The following PLCH2 variants were observed in gnomAD, a reference collection of about 807,000 sequenced individuals.
The protein encoded by PLCH2 is 1-phosphatidylinositol 4,5-bisphosphate phosphodiesterase eta-2.
A neutral mutation model predicts 134.7 loss-of-function variants in PLCH2; 98 were observed. The observed-to-expected ratio is 0.73, with a 90% confidence interval of 0.62 to 0.86. PLCH2 has a LOEUF of 0.86. Ranked by LOEUF, PLCH2 falls within the 40% of genes least tolerant of loss-of-function variation. PLCH2 has a pLI of 0.00. For synonymous variants in PLCH2, 974 were observed against 827.5 expected (o/e 1.18, Z -3.04); for missense variants, 1,994 against 1,986.6 (o/e 1.00, Z -0.07).
At chr1:2,452,926 C>T (rs1374355255) in intron 2 of PLCH2, among the ~76,000 whole-genome samples, 1 of 152,200 alleles carries the variant, frequency 6.6e-6, no homozygotes, top group Non-Finnish European at 1.5e-5. Flanking sequence ...GGCACCTGGT[C>T]CTGGCTTCTC....
At chr1:2,428,660 G>A (rs976919996) in intron 1 of PLCH2, among the ~76,000 whole-genome samples, 2 of 152,244 alleles carry the variant, frequency 1.3e-5, no homozygotes, top group African/African-American at 2.4e-5. Flanking sequence ...CAGACGTGTC[G>A]GGGCACGGCT....
the PLCH2 span, among the ~76,000 whole-genome samples, chr1:2,418,780 T>C: frequency 6.6e-6 from 1 of 152,196 alleles, no homozygotes; most frequent in Non-Finnish European, 1.5e-5. Flanking sequence ...ACCTGTGCGC[T>C]TATGACGGCC....
upstream of PLCH2, among the ~76,000 whole-genome samples, chr1:2,464,331 T>C (rs1021659620): frequency 1.3e-5 from 2 of 152,208 alleles, no homozygotes; most frequent in Non-Finnish European, 2.9e-5. Context: ...CTGTTTGTGC[T>C]CAAACACAGG....
upstream of PLCH2, among the ~76,000 whole-genome samples, chr1:2,463,256 A>G (rs899815597): frequency 9.2e-5 from 14 of 152,188 alleles, no homozygotes; most frequent in Non-Finnish European, 1.9e-4. Flanking sequence ...CCCGGGCAAG[A>G]GTCCCCTGCC....
intron 2 of PLCH2, among the ~76,000 whole-genome samples, chr1:2,433,892 G>T (rs946591266): frequency 6.6e-6 from 1 of 152,242 alleles, no homozygotes; most frequent in South Asian, 2.1e-4. Flanking sequence ...CCCGGGTGAT[G>T]TTGGCCGTTT....
At chr1:2,432,420 A>G (rs1639112111) in intron 2 of PLCH2, among the ~76,000 whole-genome samples, 2 of 152,170 alleles carry the variant, frequency 1.3e-5, no homozygotes, top group Admixed American at 6.5e-5. Flanking sequence ...CTCATGGCTG[A>G]CAGCACACCC....
upstream of PLCH2, among the ~76,000 whole-genome samples, chr1:2,472,559 C>T (rs1641376709): frequency 6.6e-6 from 1 of 152,188 alleles, no homozygotes; most frequent in African/African-American, 2.4e-5. Context: ...GCCTCAGGGA[C>T]TCTTGGTGGC....
rs1487644131 is a variant in PLCH2 at position 2,444,819 on chromosome 1, G to A, written c.115+14190G>A. ...AATGGACCCGATCGGTGTCCCCTTC[G>A]TCCCCTGACACGTTGGTCTGGGGAG... On this transcript the variant is annotated intron_variant, in intron 2 of 3. Coordinates refer to the PLCH2 transcript ENST00000609981. The surrounding 1 kb of genome is among the most constrained non-coding windows in gnomAD (Gnocchi z 4.6). Among the ~76,000 whole-genome samples, 5 of 151,886 alleles carry A rather than the reference G, an allele frequency of 3.3e-5. No homozygotes were observed. The highest frequency in any genetic ancestry group is 1.9e-4 in the East Asian group (1 of 5,154).
chr1:2,476,518 C>T lies in PLCH2; in HGVS notation c.-71C>T. On this transcript the variant is annotated 5_prime_UTR_variant, in exon 1 of 22. Coordinates refer to ENST00000378486, the MANE Select transcript of PLCH2 (RefSeq NM_014638.4). ...GTCCTGTCGCCAGCGCTGCCACTGCCTGACCTCCGCTGCCCGAAGGCCGGT... is the reference window on the plus strand; with the variant it reads ...GTCCTGTCGCCAGCGCTGCCACTGCTTGACCTCCGCTGCCCGAAGGCCGGT... 1 of 1,409,170 alleles carries T rather than the reference C, an allele frequency of 7.1e-7. No individual in the cohort carries two copies. The highest frequency in any genetic ancestry group is 9.3e-7 in the Non-Finnish European group (1 of 1,079,506). 87.3% of individuals were successfully genotyped at this position (1,409,170 alleles called of 1,614,324 possible).
At chr1:2,475,014 C>T (rs1371101020), upstream of PLCH2, among the ~76,000 whole-genome samples, 7 of 152,198 alleles carry the variant, frequency 4.6e-5, no homozygotes, top group Non-Finnish European at 5.9e-5. Flanking sequence ...AGCCCAGAAA[C>T]GCCTGCTGAC....
intron 8 of PLCH2, among the ~76,000 whole-genome samples, chr1:2,488,252 C>G (rs548320879): frequency 6.6e-6 from 1 of 152,240 alleles, no homozygotes; most frequent in East Asian, 1.9e-4. Flanking sequence ...AAGAGCTGGT[C>G]CTTGCTGTCA....
chr1:2,416,389 C>T, the PLCH2 span, among the ~76,000 whole-genome samples: 1 of 49,406 alleles, frequency 2.0e-5, no homozygotes, highest in African/African-American at 1.3e-4. Flanking sequence ...CAAGCTGGCC[C>T]CGAGTACAGG....
intron 2 of PLCH2, among the ~76,000 whole-genome samples, chr1:2,459,172 TC>T (rs1640645809): frequency 6.6e-6 from 1 of 152,264 alleles, no homozygotes; most frequent in East Asian, 1.9e-4. Context: ...TCACTGGGCC[TC>T]CCGTTGGCCC....
chr1:2,476,614 A>AT lies in PLCH2; in HGVS notation c.26_27insT (p.Ser10GlnfsTer92). The AT allele has an allele frequency of 6.3e-7, 1 of 1,589,834 alleles. No individual in the cohort carries two copies. The highest frequency in any genetic ancestry group is 8.5e-7 in the Non-Finnish European group (1 of 1,170,678). Reference sequence around the variant, plus strand: ...ATGTCTGGTCCATGGCCCTCCCCCGACAGCCGGACCAAGGGAACGGTGGCC... The same window carrying AT: ...ATGTCTGGTCCATGGCCCTCCCCCGATCAGCCGGACCAAGGGAACGGTGGCC... On this transcript the variant is annotated frameshift_variant, in exon 1 of 22. Transcript: ENST00000378486. LOFTEE classifies it high-confidence loss of function.
chr1:2,502,546 C>G (rs190731502), intron 21 of PLCH2, 137 bp downstream of exon 21: 2 of 959,224 alleles, frequency 2.1e-6, no homozygotes, highest in Admixed American at 2.0e-5. Flanking sequence ...GCGTGAACAC[C>G]GGGGGCCTGC....
At chr1:2,482,039 G>A (rs1249501168) in intron 4 of PLCH2, among the ~76,000 whole-genome samples, 2 of 152,270 alleles carry the variant, frequency 1.3e-5, no homozygotes. Context: ...TGGACCCAGT[G>A]GGGCCTAATT....
At chr1:2,489,024 T>A (rs1642422766) in intron 8 of PLCH2, among the ~76,000 whole-genome samples, 183 bp from the exon 9 acceptor site, 1 of 152,234 alleles carries the variant, frequency 6.6e-6, no homozygotes, top group African/African-American at 2.4e-5. Flanking sequence ...ACTCTGTTGC[T>A]TTTCAAAGCC....
upstream of PLCH2, among the ~76,000 whole-genome samples, chr1:2,473,431 C>T (rs749877733): frequency 1.1e-4 from 16 of 152,224 alleles, no homozygotes; most frequent in South Asian, 2.1e-4. Context: ...GGTGCAGCCC[C>T]GTCTGCCCGT....
chr1:2,435,592 G>A (rs1639290813), intron 2 of PLCH2, among the ~76,000 whole-genome samples: 1 of 152,238 alleles, frequency 6.6e-6, no homozygotes, highest in South Asian at 2.1e-4. Flanking sequence ...GAGGACAGAG[G>A]TGGGAATAGT....
Sources: gnomAD v4.1 joint callset for allele counts (sites outside exome capture counted in the v4.1 genomes callset) on GRCh38, gnomAD v4.1.1 for gene constraint, Gnocchi (gnomAD v3.1) non-coding constraint, MANE v1.5 for transcripts, NCBI Gene and HGNC (gene_info 2026-07-23, HGNC 2026-07-21) for gene names.